Variants in LYPLAL1 observed in about 807,000 individuals in gnomAD.
LYPLAL1 encodes lysophospholipase like 1.
Under a neutral mutation model 19.7 loss-of-function variants are expected in LYPLAL1, and 23 were observed. The ratio of observed to expected loss-of-function variants is 1.17; its 90% CI spans 0.84 to 1.65. The LOEUF (loss-of-function observed/expected upper bound fraction) is 1.65, where lower values mean the gene tolerates loss of function less well. LYPLAL1 is among the 40% of genes most tolerant of loss of function. LYPLAL1 has a pLI of 0.00. For missense variants in LYPLAL1, 355 were observed against 279.4 expected, an observed-to-expected ratio of 1.27 and a Z score of -1.93; for synonymous variants, 119 against 96.3, an observed-to-expected ratio of 1.24 and a Z score of -1.38.
the LYPLAL1 span, among the ~76,000 whole-genome samples, chr1:219,399,656 C>T: frequency 1.3e-5 from 2 of 152,104 alleles, no homozygotes; most frequent in Non-Finnish European, 2.9e-5. Context: ...CTATGGTATG[C>T]CAGCCCAGGA....
the LYPLAL1 span, among the ~76,000 whole-genome samples, chr1:219,226,512 C>T: frequency 5.1e-4 from 77 of 152,044 alleles, no homozygotes; most frequent in African/African-American, 1.6e-3. Context: ...CCCTTCTCAA[C>T]ACAGCACATC....
chr1:219,262,259 TA>T, the LYPLAL1 span, among the ~76,000 whole-genome samples: 64 of 152,300 alleles, frequency 4.2e-4, no homozygotes, highest in African/African-American at 1.5e-3. Flanking sequence ...TATCCTGTAT[TA>T]TTTTTTACAT....
the LYPLAL1 span, among the ~76,000 whole-genome samples, chr1:219,384,339 A>C: frequency 1.3e-5 from 2 of 152,250 alleles, no homozygotes; most frequent in Non-Finnish European, 2.9e-5. Context: ...TGTAATTAAC[A>C]AAGAATAACC....
chr1:219,241,134 C>CTCTCTCTCTCTCTATATATATA, the LYPLAL1 span, among the ~76,000 whole-genome samples: 37 of 44,348 alleles, frequency 8.3e-4, no homozygotes, highest in Non-Finnish European at 1.4e-3. Flanking sequence ...CTCTCTCTCT[C>CTCTCTCTCTCTCTATATATATA]TATATATATA....
the LYPLAL1 span, among the ~76,000 whole-genome samples, chr1:219,406,940 A>G: frequency 6.6e-6 from 1 of 152,222 alleles, no homozygotes; most frequent in East Asian, 1.9e-4. Flanking sequence ...TACCTCAAAT[A>G]TAACTGAATC....
chr1:219,194,857 A>C (rs1657480262), intron 3 of LYPLAL1, among the ~76,000 whole-genome samples: 1 of 152,082 alleles, frequency 6.6e-6, no homozygotes, highest in African/African-American at 2.4e-5. Context: ...AAGTCTAGGT[A>C]GAGGGAATGA....
the LYPLAL1 span, among the ~76,000 whole-genome samples, chr1:219,220,031 G>C: frequency 2.6e-5 from 4 of 152,196 alleles, no homozygotes; most frequent in South Asian, 8.3e-4. Context: ...AGCTACTGGA[G>C]GGTTCTCAGG....
chr1:219,277,144 C>G, the LYPLAL1 span, among the ~76,000 whole-genome samples: 1 of 152,166 alleles, frequency 6.6e-6, no homozygotes, highest in African/African-American at 2.4e-5. Flanking sequence ...CCTGGCAGTA[C>G]AGTGACCACC....
At chr1:219,437,954 A>G in the LYPLAL1 span, among the ~76,000 whole-genome samples, 1 of 151,912 alleles carries the variant, frequency 6.6e-6, no homozygotes, top group South Asian at 2.1e-4. Context: ...TTTAGTAGAG[A>G]TGGGGTTTCA....
chr1:219,311,533 T>TG, the LYPLAL1 span, among the ~76,000 whole-genome samples: 1 of 52,284 alleles, frequency 1.9e-5, no homozygotes, highest in Non-Finnish European at 4.6e-5. Context: ...ATGTTGTAGG[T>TG]GTTTTTTTTT....
At chr1:219,323,261 AC>A in the LYPLAL1 span, among the ~76,000 whole-genome samples, 3 of 152,186 alleles carry the variant, frequency 2.0e-5, no homozygotes, top group African/African-American at 7.2e-5. Context: ...GAAAATATAA[AC>A]TAACATGAAC....
chr1:219,306,990 C>T, the LYPLAL1 span, among the ~76,000 whole-genome samples: 3 of 147,606 alleles, frequency 2.0e-5, no homozygotes, highest in Non-Finnish European at 3.0e-5. Context: ...CAATTTTTGG[C>T]CACATGTATT....
chr1:219,187,125 A>G (rs1656792364), intron 2 of LYPLAL1, among the ~76,000 whole-genome samples: 1 of 151,574 alleles, frequency 6.6e-6, no homozygotes, highest in South Asian at 2.1e-4. Context: ...CATACATTGA[A>G]AACTGTATCA....
chr1:219,291,909 A>G, the LYPLAL1 span, among the ~76,000 whole-genome samples: 1 of 152,202 alleles, frequency 6.6e-6, no homozygotes, highest in Admixed American at 6.5e-5. Context: ...GAAAGAAAGA[A>G]AAGAAAAACT....
At position 219,211,838 on chromosome 1, in the gene LYPLAL1, T is replaced by C; in HGVS notation, c.*110T>C. 2.9e-6 allele frequency: 2 copies of C among 686,014 alleles called. 1 individual carries two copies. 42.5% of individuals were successfully genotyped at this position (686,014 alleles called of 1,614,324 possible). A position where few individuals can be genotyped will look rare whatever the true frequency, so the allele number is the denominator to read the frequency against. ...TATTAAGAAATAACACTTTCCTGAC[T>C]TTTTTATTATTAAAATGCTTATCAC... On this transcript the variant is annotated 3_prime_UTR_variant, in exon 5 of 5. Transcript: ENST00000366928.
chr1:219,274,893 A>G, the LYPLAL1 span, among the ~76,000 whole-genome samples: 2 of 152,136 alleles, frequency 1.3e-5, no homozygotes, highest in Admixed American at 6.5e-5. Context: ...TGATTTTACT[A>G]CTAATTATTA....
At chr1:219,225,131 A>C in the LYPLAL1 span, among the ~76,000 whole-genome samples, 1 of 152,078 alleles carries the variant, frequency 6.6e-6, no homozygotes, top group Admixed American at 6.6e-5. Context: ...CTCCATGTCT[A>C]TACCTCTGGC....
chr1:219,280,487 G>A, the LYPLAL1 span, among the ~76,000 whole-genome samples: 1 of 152,032 alleles, frequency 6.6e-6, no homozygotes, highest in Non-Finnish European at 1.5e-5. Flanking sequence ...ATATACAGGT[G>A]GGAGAGGGGA....
the LYPLAL1 span, among the ~76,000 whole-genome samples, chr1:219,254,892 G>A: frequency 6.6e-6 from 1 of 151,874 alleles, no homozygotes; most frequent in Non-Finnish European, 1.5e-5. Context: ...CTCCCTTTAA[G>A]GGATGCCAAT....
Sources: gnomAD v4.1 joint callset for allele counts (sites outside exome capture counted in the v4.1 genomes callset) on GRCh38, gnomAD v4.1.1 for gene constraint, MANE v1.5 for transcripts, NCBI Gene and HGNC (gene_info 2026-07-23, HGNC 2026-07-21) for gene names.